ROR2: variants seen among roughly 807,000 people sequenced by gnomAD.
ROR2 encodes the protein tyrosine-protein kinase transmembrane receptor ROR2.
ROR2 carries 33 observed loss-of-function variants against 74.9 expected under a neutral mutation model. The ratio of observed to expected loss-of-function variants is 0.44; its 90% CI spans 0.33 to 0.59. The LOEUF (loss-of-function observed/expected upper bound fraction) is 0.59. Among genes scored for constraint, ROR2 ranks in the 20% least tolerant of loss-of-function variants. The probability of loss-of-function intolerance (pLI) is 0.02; values close to 1 mark genes in which losing one functional copy is unlikely to be tolerated. For missense variants in ROR2, 1,216 were observed against 1,313.8 expected, an observed-to-expected ratio of 0.93 and a Z score of 1.15; for synonymous variants, 586 against 558.7, an observed-to-expected ratio of 1.05 and a Z score of -0.69.
At chr9:91,908,851 A>G (rs1830882421) in intron 1 of ROR2, among the ~76,000 whole-genome samples, 1 of 152,180 alleles carries the variant, frequency 6.6e-6, no homozygotes, top group African/African-American at 2.4e-5. Context: ...TAAACACCTT[A>G]TATTTTCATT....
intron 4 of ROR2, among the ~76,000 whole-genome samples, chr9:91,738,950 A>G (rs964177009): frequency 4.6e-5 from 7 of 152,204 alleles, no homozygotes; most frequent in African/African-American, 1.7e-4. Flanking sequence ...AGCCATCATG[A>G]TAAGTATCCT....
intron 4 of ROR2, among the ~76,000 whole-genome samples, chr9:91,752,463 A>G (rs1825623108): frequency 6.6e-6 from 1 of 152,236 alleles, no homozygotes; most frequent in African/African-American, 2.4e-5. Context: ...CTATGCTAAA[A>G]GGACGCCAGG....
chr9:91,877,470 TGAA>T (rs538306352), intron 1 of ROR2, among the ~76,000 whole-genome samples: 13 of 152,262 alleles, frequency 8.5e-5, no homozygotes, highest in Admixed American at 3.3e-4. Context: ...CAGAAGAGGA[TGAA>T]GAAGATCAGA....
At chr9:91,829,732 C>T (rs1442513584) in intron 1 of ROR2, among the ~76,000 whole-genome samples, 2 of 152,006 alleles carry the variant, frequency 1.3e-5, no homozygotes, top group Admixed American at 6.6e-5. Context: ...CGCCTTCCTA[C>T]GGATATAACC....
intron 1 of ROR2, among the ~76,000 whole-genome samples, chr9:91,899,898 T>C (rs73519164): frequency 0.052 from 7,937 of 152,150 alleles, 275 homozygotes; most frequent in African/African-American, 0.079. Context: ...ACATTACATA[T>C]GCAACACATC....
At chr9:91,811,941 T>A (rs902434008) in intron 1 of ROR2, among the ~76,000 whole-genome samples, 1 of 152,184 alleles carries the variant, frequency 6.6e-6, no homozygotes, top group African/African-American at 2.4e-5. Context: ...TACTCTGGTT[T>A]GGTCTTAGTC....
chr9:91,777,076 C>A (rs1420525359), intron 1 of ROR2, among the ~76,000 whole-genome samples: 2 of 152,170 alleles, frequency 1.3e-5, no homozygotes, highest in East Asian at 3.8e-4. Flanking sequence ...TTAGAACTGA[C>A]ACTTTAAGTT....
At chr9:91,748,637 G>C (rs1277241452) in intron 4 of ROR2, among the ~76,000 whole-genome samples, 3 of 152,350 alleles carry the variant, frequency 2.0e-5, no homozygotes, top group East Asian at 1.9e-4. Context: ...ATTTGGGAGA[G>C]AAAGATTATC....
chr9:91,934,113 G>A (rs532044707), intron 1 of ROR2, among the ~76,000 whole-genome samples: 7 of 152,182 alleles, frequency 4.6e-5, no homozygotes, highest in African/African-American at 1.7e-4. Flanking sequence ...GGATGCGGGG[G>A]GGCGAGTGAA....
At chr9:91,819,001 C>G (rs966109076) in intron 1 of ROR2, among the ~76,000 whole-genome samples, 11 of 152,280 alleles carry the variant, frequency 7.2e-5, no homozygotes, top group African/African-American at 2.4e-4. Flanking sequence ...AAGAAGAACC[C>G]ACGGTCCCCA....
At chr9:91,931,941 T>C (rs1186328148) in intron 1 of ROR2, among the ~76,000 whole-genome samples, 1 of 152,166 alleles carries the variant, frequency 6.6e-6, no homozygotes, top group Non-Finnish European at 1.5e-5. Context: ...CTGGGAACAA[T>C]GAGTAAAGAG....
intron 1 of ROR2, among the ~76,000 whole-genome samples, chr9:91,881,146 T>C (rs1279282177): frequency 6.6e-6 from 1 of 152,160 alleles, no homozygotes; most frequent in East Asian, 1.9e-4. Context: ...TTCACAAATA[T>C]AACTTGGAAA....
chr9:91,787,730 G>T (rs1826847250), intron 1 of ROR2, among the ~76,000 whole-genome samples: 1 of 152,118 alleles, frequency 6.6e-6, no homozygotes, highest in Non-Finnish European at 1.5e-5. Context: ...TTTGCTACCT[G>T]AATTGTCCAA....
At chr9:91,900,566 G>A (rs949105007) in intron 1 of ROR2, among the ~76,000 whole-genome samples, 2 of 152,240 alleles carry the variant, frequency 1.3e-5, no homozygotes, top group Non-Finnish European at 2.9e-5. Flanking sequence ...AAGCAGCCAA[G>A]GAGGCGGGAA....
At chr9:91,809,793 T>G in intron 1 of ROR2, among the ~76,000 whole-genome samples, 1 of 152,170 alleles carries the variant, frequency 6.6e-6, no homozygotes. Context: ...CTGGTGAGGC[T>G]CCCGGCTCCA....
intron 1 of ROR2, among the ~76,000 whole-genome samples, chr9:91,801,327 C>T (rs573401896): frequency 5.3e-5 from 8 of 152,006 alleles, no homozygotes; most frequent in East Asian, 1.9e-4. Context: ...AAAATTTGCA[C>T]GCTTTTTTAT....
At chr9:91,799,977 G>A (rs1350508422) in intron 1 of ROR2, among the ~76,000 whole-genome samples, 5 of 152,190 alleles carry the variant, frequency 3.3e-5, no homozygotes, top group African/African-American at 1.2e-4. Flanking sequence ...AGCACAAGCC[G>A]TTCAGGCCTT....
intron 1 of ROR2, among the ~76,000 whole-genome samples, chr9:91,808,873 C>G (rs1339514741): frequency 2.7e-5 from 4 of 150,404 alleles, no homozygotes; most frequent in Admixed American, 2.7e-4. Context: ...CGTGGTGGCA[C>G]GTGCCTGTAG....
rs116509287 is a variant in ROR2, at chr9:91,893,266, A to G, written c.97+56601T>C. ...AATCCTAGCACTTTGGGAGGCCAAGACAGGAGAATCTAAAAATACAAAAAT... is the reference window on the plus strand; with the variant it reads ...AATCCTAGCACTTTGGGAGGCCAAGGCAGGAGAATCTAAAAATACAAAAAT... On this transcript the variant is annotated intron_variant, in intron 1 of 8. Coordinates refer to ENST00000375708, the MANE Select transcript of ROR2 (RefSeq NM_004560.4). Among the ~76,000 whole-genome samples the G allele has an allele frequency of 7.1e-3, 1,087 of 152,062 alleles. 17 individuals are homozygous for G. The highest frequency in any genetic ancestry group is 0.025 in the African/African-American group (1,039 of 41,490).
Sources: allele counts gnomAD v4.1 joint callset (sites outside exome capture counted in the v4.1 genomes callset), GRCh38; gene constraint gnomAD v4.1.1; transcripts MANE v1.5; gene names NCBI Gene and HGNC (gene_info 2026-07-23, HGNC 2026-07-21).